Variants in KCNT2 observed in about 807,000 individuals in gnomAD.
The protein encoded by KCNT2 is potassium channel subfamily T member 2.
KCNT2 carries 67 observed loss-of-function variants against 153.8 expected under a neutral mutation model. That is an observed-to-expected ratio of 0.44 (90% CI 0.36 to 0.53). KCNT2 has a LOEUF of 0.53. KCNT2 is among the 20% of genes least tolerant of loss of function. The pLI is 0.00. For missense variants in KCNT2, 975 were observed against 1,354.8 expected (o/e 0.72, Z 4.40); for synonymous variants, 500 against 458.8 (o/e 1.09, Z -1.15).
chr1:196,511,574 C>T (rs563578412), intron 1 of KCNT2, among the ~76,000 whole-genome samples: 74 of 152,120 alleles, frequency 4.9e-4, no homozygotes, highest in Admixed American at 6.5e-5. Flanking sequence ...AACATAGATT[C>T]TGGGAGCTTA....
At chr1:196,501,781 T>TA (rs1430035350) in intron 1 of KCNT2, among the ~76,000 whole-genome samples, 1 of 152,102 alleles carries the variant, frequency 6.6e-6, no homozygotes, top group Admixed American at 6.6e-5. Context: ...AGAAGGCTTG[T>TA]AAAAAATAAA....
rs188187552 is a variant in KCNT2, at chr1:196,517,688, C to T, written c.96-25347G>A. ...AAGAATCTTAGAACTTGAAGAGTGT[C>T]TCTCTGAAATAAGACACTCAGACAA... On this transcript the variant is annotated intron_variant, in intron 1 of 27. Transcript: ENST00000294725. Among the ~76,000 whole-genome samples the T allele has an allele frequency of 9.6e-4, 146 of 152,168 alleles. 1 individual carries two copies. The highest frequency in any genetic ancestry group is 3.4e-3 in the Middle Eastern group (1 of 294).
At chr1:196,252,587 A>G (rs1656073639) in intron 26 of KCNT2, among the ~76,000 whole-genome samples, 1 of 151,648 alleles carries the variant, frequency 6.6e-6, no homozygotes, top group Non-Finnish European at 1.5e-5. Flanking sequence ...CATATGTACT[A>G]AAAACCACAC....
intron 1 of KCNT2, among the ~76,000 whole-genome samples, chr1:196,547,231 T>A (rs148486693): frequency 7.0e-4 from 106 of 152,068 alleles, no homozygotes; most frequent in African/African-American, 2.5e-3. Flanking sequence ...GGGTGGGAGA[T>A]ACTGTTGCTA....
chr1:196,283,359 CG>C (rs1450101954), intron 23 of KCNT2, among the ~76,000 whole-genome samples: 2 of 151,674 alleles, frequency 1.3e-5, no homozygotes, highest in Non-Finnish European at 2.9e-5. Flanking sequence ...GCGTGAACCC[CG>C]GGGGGCAGAG....
intron 8 of KCNT2, among the ~76,000 whole-genome samples, chr1:196,434,443 A>C (rs751167113): frequency 1.3e-5 from 2 of 151,920 alleles, no homozygotes; most frequent in Non-Finnish European, 2.9e-5. Context: ...AAAGTCTCCT[A>C]CTGTGCTTCC....
Position 196,373,236 on chromosome 1 carries a change from C to A in KCNT2, c.1307G>T (p.Cys436Phe). The change falls in exon 14 of 28, where the codon TGT (cysteine) becomes TTT (phenylalanine). Residue 436 changes from cysteine to phenylalanine, a missense_variant. By Grantham distance (205) the Cys-to-Phe change is radical (BLOSUM62 -2). Around this residue, in one of 6 missense-constraint regions of KCNT2, gnomAD observed 202 missense variants for 314.9 expected, o/e 0.64. Coordinates refer to ENST00000294725, the MANE Select transcript of KCNT2 (RefSeq NM_198503.5). ...CATGGCGTATTTAAACTCTTCTTCA[C>A]AAACAACATGATCTGTTTGAAATAA... ...FHIKFADHVV[C>F]EEEFKYAMLA... The A allele has an allele frequency of 6.8e-7, 1 of 1,466,328 alleles. No individual in the cohort carries two copies. 90.8% of individuals were successfully genotyped at this position (1,466,328 alleles called of 1,614,324 possible). A position where few individuals can be genotyped will look rare whatever the true frequency, so the allele number is the denominator to read the frequency against.
chr1:196,415,944 A>AG (rs1672720144), intron 12 of KCNT2, among the ~76,000 whole-genome samples: 2 of 151,946 alleles, frequency 1.3e-5, no homozygotes, highest in South Asian at 4.1e-4. Flanking sequence ...GCCTTCCCAC[A>AG]GTTTCAGTTA....
rs117444717 is a variant in KCNT2 at position 196,486,978 on chromosome 1, C to T, written c.275+2860G>A. Reference sequence around the variant, plus strand: ...TTTCAAAATATTGGAAACATTTAATCCCAGGTTAGACAACCAACTATCAAG... The same window carrying T: ...TTTCAAAATATTGGAAACATTTAATTCCAGGTTAGACAACCAACTATCAAG... On this transcript the variant is annotated intron_variant, in intron 3 of 27. Transcript: ENST00000294725. Among the ~76,000 whole-genome samples, 83 of 151,964 alleles carry T rather than the reference C, an allele frequency of 5.5e-4. 1 individual carries two copies. The East Asian group carries it at 0.015, about 27-fold the overall frequency.
chr1:196,439,680 G>C (rs1675050934), intron 8 of KCNT2, among the ~76,000 whole-genome samples: 1 of 151,878 alleles, frequency 6.6e-6, no homozygotes, highest in Non-Finnish European at 1.5e-5. Flanking sequence ...ATTCCTATTA[G>C]ATATCCTCCA....
At chr1:196,482,722 C>T (rs1024806442) in intron 3 of KCNT2, among the ~76,000 whole-genome samples, 2 of 151,954 alleles carry the variant, frequency 1.3e-5, no homozygotes, top group Non-Finnish European at 2.9e-5. Flanking sequence ...CTAAGATATT[C>T]TTATTTGTAA....
At chr1:196,501,354 T>C (rs376670687) in intron 1 of KCNT2, among the ~76,000 whole-genome samples, 2 of 152,192 alleles carry the variant, frequency 1.3e-5, no homozygotes, top group East Asian at 1.9e-4. Context: ...GGGGTAGATA[T>C]AGATACACAC....
chr1:196,578,197 G>GA (rs1553258178), intron 1 of KCNT2, among the ~76,000 whole-genome samples: 3 of 15,196 alleles, frequency 2.0e-4, no homozygotes, highest in South Asian at 0.024. Flanking sequence ...CCATAGTTAG[G>GA]AAAAAAAACA....
intron 1 of KCNT2, among the ~76,000 whole-genome samples, chr1:196,510,230 T>C (rs775811283): frequency 9.2e-5 from 14 of 152,188 alleles, no homozygotes; most frequent in Non-Finnish European, 1.5e-4. Context: ...AGCTAAGAAA[T>C]ATATTAATAA....
At position 196,425,518 on chromosome 1, in the gene KCNT2, G is replaced by A. The variant is rs533114348; in HGVS notation, c.1121+334C>T. 4.6e-5 allele frequency among the ~76,000 whole-genome samples: 7 copies of A among 152,052 alleles called. No individual in the cohort carries two copies. In the South Asian group the frequency reaches 1.0e-3, roughly 23 times the overall value. On this transcript the variant is annotated intron_variant, in intron 11 of 27. Transcript: ENST00000294725. ...GGATAAAAACAGTATTCGGGGATTT[G>A]GAGACTACTCTAACAGTGAGTCTGG...
At chr1:196,352,726 G>C (rs944138810) in intron 14 of KCNT2, among the ~76,000 whole-genome samples, 1 of 152,008 alleles carries the variant, frequency 6.6e-6, no homozygotes, top group African/African-American at 2.4e-5. Context: ...TCTGATTTTA[G>C]TTATTTCTTG....
chr1:196,434,558 G>A (rs1003280362), intron 8 of KCNT2, among the ~76,000 whole-genome samples: 5 of 151,912 alleles, frequency 3.3e-5, no homozygotes, highest in Admixed American at 6.6e-5. Context: ...GATTCTCACT[G>A]TTTAAAGAAA....
intron 13 of KCNT2, among the ~76,000 whole-genome samples, chr1:196,379,181 AAAG>A (rs2148358363): frequency 6.6e-6 from 1 of 152,300 alleles, no homozygotes; most frequent in Non-Finnish European, 1.5e-5. Flanking sequence ...TTGATTATGC[AAAG>A]AAGGACAACT....
intron 12 of KCNT2, among the ~76,000 whole-genome samples, chr1:196,410,342 T>C (rs1218201968): frequency 6.6e-6 from 1 of 151,266 alleles, no homozygotes; most frequent in African/African-American, 2.4e-5. Flanking sequence ...TAGTTTGATA[T>C]AATACCACTT....
Sources: gnomAD v4.1 joint callset for allele counts (sites outside exome capture counted in the v4.1 genomes callset) on GRCh38, gnomAD v4.1.1 for gene constraint, gnomAD v4.1.1 regional missense constraint, MANE v1.5 for transcripts, NCBI Gene and HGNC (gene_info 2026-07-23, HGNC 2026-07-21) for gene names.